The following NTN1 variants were observed in gnomAD, a reference collection of about 807,000 sequenced individuals.
The protein encoded by NTN1 is netrin 1.
A neutral mutation model predicts 54.2 loss-of-function variants in NTN1; 11 were observed. That is an observed-to-expected ratio of 0.20 (90% CI 0.13 to 0.34). NTN1 has a LOEUF of 0.34. Ranked by LOEUF, NTN1 falls within the 10% of genes least tolerant of loss-of-function variation. The probability of loss-of-function intolerance (pLI) is 1.00; values close to 1 mark genes in which losing one functional copy is unlikely to be tolerated. For missense variants in NTN1, 740 were observed against 893.1 expected, an observed-to-expected ratio of 0.83 and a Z score of 2.18; for synonymous variants, 371 against 382.0, an observed-to-expected ratio of 0.97 and a Z score of 0.33.
At chr17:9,113,651 C>T (rs1440118935) in intron 2 of NTN1, among the ~76,000 whole-genome samples, 3 of 151,714 alleles carry the variant, frequency 2.0e-5, no homozygotes, top group Admixed American at 6.6e-5. Flanking sequence ...GAGGACAGTC[C>T]GAGACTAGAA....
chr17:9,048,478 A>G (rs2091948220), intron 2 of NTN1, among the ~76,000 whole-genome samples: 1 of 152,130 alleles, frequency 6.6e-6, no homozygotes, highest in Admixed American at 6.5e-5. Flanking sequence ...TAGGATTTTC[A>G]GAATAGTAAA....
intron 5 of NTN1, among the ~76,000 whole-genome samples, chr17:9,193,649 A>ATG (rs1904527678): frequency 1.3e-5 from 2 of 152,172 alleles, no homozygotes; most frequent in Non-Finnish European, 1.5e-5. Flanking sequence ...GCGGCTGGGC[A>ATG]CGGTGGCTCA....
At chr17:9,063,617 A>G (rs1212984989) in intron 2 of NTN1, among the ~76,000 whole-genome samples, 2 of 150,548 alleles carry the variant, frequency 1.3e-5, no homozygotes, top group East Asian at 4.0e-4. Flanking sequence ...GCGCAATCTC[A>G]GCTCACTGCA....
chr17:9,126,805 A>C (rs1349695508), intron 2 of NTN1, among the ~76,000 whole-genome samples: 1 of 152,132 alleles, frequency 6.6e-6, no homozygotes, highest in Non-Finnish European at 1.5e-5. Context: ...AGGGCACCCC[A>C]CTGTGGAAAG....
chr17:9,119,720 A>G (rs1034566202), intron 2 of NTN1, among the ~76,000 whole-genome samples: 2 of 151,782 alleles, frequency 1.3e-5, no homozygotes, highest in Admixed American at 1.3e-4. Flanking sequence ...CTGGTCTCGA[A>G]CTCCTGGCCT....
intron 2 of NTN1, among the ~76,000 whole-genome samples, chr17:9,058,189 C>A (rs745583234): frequency 2.1e-4 from 32 of 152,144 alleles, no homozygotes; most frequent in Non-Finnish European, 4.1e-4. Context: ...TATGTTCGTC[C>A]TATTTATTTA....
chr17:9,072,671 G>A (rs2092036004), intron 2 of NTN1, among the ~76,000 whole-genome samples: 1 of 152,202 alleles, frequency 6.6e-6, no homozygotes, highest in Non-Finnish European at 1.5e-5. Context: ...AAGTGAGTGG[G>A]AGGCAGGGGT....
At chr17:9,102,095 C>A (rs939654028) in intron 2 of NTN1, among the ~76,000 whole-genome samples, 1 of 152,180 alleles carries the variant, frequency 6.6e-6, no homozygotes, top group African/African-American at 2.4e-5. Flanking sequence ...TATCAGAGTG[C>A]CTAAAATGGG....
intron 3 of NTN1, chr17:9,175,626 A>C (rs1483371292): frequency 5.3e-5 from 8 of 152,244 alleles, no homozygotes; most frequent in Non-Finnish European, 1.2e-4. Flanking sequence ...AGAGAGAGAA[A>C]GGCACTAACC....
In NTN1 at chr17:9,070,939, A is replaced by G. The variant is rs115152462; in HGVS notation, c.1018+47548A>G. Reference sequence around the variant, plus strand: ...ATGTGCTTTGTGGAGCAAAGTCATCATTTGGTAGGGGCTGGACCCATAGTT... The same window carrying G: ...ATGTGCTTTGTGGAGCAAAGTCATCGTTTGGTAGGGGCTGGACCCATAGTT... On this transcript the variant is annotated intron_variant, in intron 2 of 6. Coordinates refer to ENST00000173229, the MANE Select transcript of NTN1 (RefSeq NM_004822.3). 8.9e-3 allele frequency among the ~76,000 whole-genome samples: 1,361 copies of G among 152,208 alleles called. 17 individuals carry two copies. The highest frequency in any genetic ancestry group is 0.031 in the African/African-American group (1,276 of 41,518).
the NTN1 span, among the ~76,000 whole-genome samples, chr17:9,011,635 G>A: frequency 1.3e-5 from 2 of 152,140 alleles, no homozygotes; most frequent in East Asian, 1.9e-4. Flanking sequence ...CTGTAGCCAG[G>A]CTGGAGTGCA....
At chr17:9,216,601 G>C (rs964298520) in intron 5 of NTN1, among the ~76,000 whole-genome samples, 3 of 152,190 alleles carry the variant, frequency 2.0e-5, no homozygotes, top group Non-Finnish European at 4.4e-5. Context: ...TCAGATTTAA[G>C]GAGGATGGCC....
At chr17:9,150,074 C>G (rs559725050) in intron 2 of NTN1, among the ~76,000 whole-genome samples, 1 of 152,042 alleles carries the variant, frequency 6.6e-6, no homozygotes, top group South Asian at 2.1e-4. Flanking sequence ...TGGTGGCGGG[C>G]GCCTGTAATC....
intron 2 of NTN1, among the ~76,000 whole-genome samples, chr17:9,138,028 C>T (rs1042087452): frequency 6.6e-6 from 1 of 152,192 alleles, no homozygotes; most frequent in African/African-American, 2.4e-5. Flanking sequence ...CCTCCCTCCC[C>T]AGCCCAGCCT....
At chr17:9,228,099 G>A (rs1266932784) in intron 6 of NTN1, among the ~76,000 whole-genome samples, 2 of 152,160 alleles carry the variant, frequency 1.3e-5, no homozygotes, top group Admixed American at 6.5e-5. Flanking sequence ...AGAGCTTACA[G>A]TCTAGGAGGG....
intron 2 of NTN1, among the ~76,000 whole-genome samples, chr17:9,043,681 A>C (rs773376896): frequency 1.3e-5 from 2 of 151,764 alleles, no homozygotes; most frequent in African/African-American, 4.8e-5. Flanking sequence ...GGTTCAAGCA[A>C]TTCTTTCTGC....
At chr17:9,174,694 A>T (rs2092395477) in intron 3 of NTN1, 1 of 152,226 alleles carries the variant, frequency 6.6e-6, no homozygotes, top group East Asian at 1.9e-4. Context: ...CCTCACTTTA[A>T]ATTAATCAGC....
intron 5 of NTN1, among the ~76,000 whole-genome samples, chr17:9,196,787 G>A (rs1295666617): frequency 6.6e-6 from 1 of 152,164 alleles, no homozygotes; most frequent in Non-Finnish European, 1.5e-5. Flanking sequence ...TTAAGGAAAG[G>A]AGAAAGCCTT....
intron 5 of NTN1, among the ~76,000 whole-genome samples, chr17:9,208,231 C>CTAAA (rs949620562): frequency 3.4e-4 from 52 of 152,258 alleles, no homozygotes; most frequent in East Asian, 3.9e-4. Context: ...CACTCCATCT[C>CTAAA]TAAATAAATA....
Sources: allele counts gnomAD v4.1 joint callset (sites outside exome capture counted in the v4.1 genomes callset), GRCh38; gene constraint gnomAD v4.1.1; transcripts MANE v1.5; gene names NCBI Gene and HGNC (gene_info 2026-07-23, HGNC 2026-07-21).